RNF24: variants seen among roughly 807,000 people sequenced by gnomAD.
RNF24 encodes the protein ring finger protein 24.
RNF24 carries 14 observed loss-of-function variants against 20.0 expected under a neutral mutation model. The ratio of observed to expected loss-of-function variants is 0.70; its 90% CI spans 0.46 to 1.10. The LOEUF is 1.10. Among genes scored for constraint, RNF24 ranks in the 50% least tolerant of loss-of-function variants. RNF24 has a pLI of 0.00. For missense variants in RNF24, 124 were observed against 177.6 expected, an observed-to-expected ratio of 0.70 and a Z score of 1.71; for synonymous variants, 45 against 61.1, an observed-to-expected ratio of 0.74 and a Z score of 1.23.
rs2090854423 is a variant in RNF24 at position 3,933,685 on chromosome 20, C to G, written c.*378G>C. ...AGGCCTGCATGGCCTACAGAGAAAC[C>G]CATCCATCCGCAGGTGGGGGTGTGG... On this transcript the variant is annotated 3_prime_UTR_variant, in exon 6 of 6. Coordinates refer to ENST00000358395, the MANE Select transcript of RNF24 (RefSeq NM_001134337.3). 1 of 174,900 alleles carries G rather than the reference C, an allele frequency of 5.7e-6. No homozygotes were observed. The highest frequency in any genetic ancestry group is 6.3e-5 in the Admixed American group (1 of 15,878). 10.8% of individuals were successfully genotyped at this position (174,900 alleles called of 1,614,324 possible).
chr20:3,949,661 G>A (rs1294010182), intron 2 of RNF24, among the ~76,000 whole-genome samples: 2 of 152,146 alleles, frequency 1.3e-5, no homozygotes, highest in African/African-American at 4.8e-5. Context: ...TCCAGCCTGG[G>A]TGACGGAGTG....
chr20:3,955,923 T>A (rs747950109), intron 2 of RNF24, among the ~76,000 whole-genome samples: 1 of 152,228 alleles, frequency 6.6e-6, no homozygotes, highest in Non-Finnish European at 1.5e-5. Context: ...TATTTCCTTT[T>A]CAGATTGTTC....
chr20:3,982,226 TTGAG>T (rs1427552995), intron 1 of RNF24, among the ~76,000 whole-genome samples: 4 of 151,996 alleles, frequency 2.6e-5, no homozygotes, highest in Non-Finnish European at 4.4e-5. Context: ...TTGCTATGGT[TTGAG>T]TATCTGTCCC....
At chr20:3,952,716 A>G (rs909516474) in intron 2 of RNF24, among the ~76,000 whole-genome samples, 3 of 151,944 alleles carry the variant, frequency 2.0e-5, no homozygotes, top group African/African-American at 7.3e-5. Flanking sequence ...TACTCTTTCA[A>G]ATTTTAGAAA....
chr20:3,982,111 C>CTCTCTCTCTCTCTCTCTCTT (rs1264759810), intron 1 of RNF24, among the ~76,000 whole-genome samples: 2 of 149,214 alleles, frequency 1.3e-5, no homozygotes, highest in Non-Finnish European at 3.0e-5. Flanking sequence ...TCGTCTCTCT[C>CTCTCTCTCTCTCTCTCTCTT]TCTCTCTCTC....
chr20:3,955,353 T>C (rs1308066396), intron 2 of RNF24, among the ~76,000 whole-genome samples: 1 of 152,248 alleles, frequency 6.6e-6, no homozygotes, highest in East Asian at 1.9e-4. Context: ...CGCATGTTAA[T>C]ATCCAGCTTC....
intron 4 of RNF24, among the ~76,000 whole-genome samples, chr20:3,935,809 GA>G (rs1459055156): frequency 6.6e-6 from 1 of 152,226 alleles, no homozygotes; most frequent in Non-Finnish European, 1.5e-5. Flanking sequence ...TACCGATGAG[GA>G]AACAGAAGCT....
At chr20:3,951,864 C>T (rs1351666610) in intron 2 of RNF24, among the ~76,000 whole-genome samples, 1 of 152,102 alleles carries the variant, frequency 6.6e-6, no homozygotes, top group Non-Finnish European at 1.5e-5. Context: ...CATGCATTTC[C>T]GTATTTACTG....
intron 1 of RNF24, among the ~76,000 whole-genome samples, chr20:3,965,175 G>A (rs1464172028): frequency 6.6e-6 from 1 of 152,066 alleles, no homozygotes; most frequent in Non-Finnish European, 1.5e-5. Flanking sequence ...TAAGACCAAA[G>A]ATTGACAATG....
At chr20:3,992,316 T>C (rs770528080) in intron 1 of RNF24, among the ~76,000 whole-genome samples, 3 of 152,216 alleles carry the variant, frequency 2.0e-5, no homozygotes, top group Admixed American at 1.3e-4. Flanking sequence ...AAAGCAGTTA[T>C]ATCAACATAC....
chr20:4,004,605 A>T lies in RNF24; in HGVS notation c.-8+10832T>A, dbSNP rs562613744. Among the ~76,000 whole-genome samples, 17 of 152,334 alleles carry T rather than the reference A, an allele frequency of 1.1e-4. No homozygotes were observed. The South Asian group carries it at 3.5e-3, about 32-fold the overall frequency. ...TAGATCCAATGGCAAGTGTCTTTAT[A>T]AGAGAGAAAGAGAAGACCATATGAA... On this transcript the variant is annotated intron_variant, in intron 1 of 5. Transcript: ENST00000358395.
At chr20:3,996,347 C>T (rs1030073938) in intron 1 of RNF24, among the ~76,000 whole-genome samples, 1 of 152,136 alleles carries the variant, frequency 6.6e-6, no homozygotes, top group African/African-American at 2.4e-5. Flanking sequence ...ATGACATATT[C>T]TTTTTAAAAT....
At chr20:3,993,032 G>A (rs1174003216) in intron 1 of RNF24, among the ~76,000 whole-genome samples, 1 of 152,154 alleles carries the variant, frequency 6.6e-6, no homozygotes, top group African/African-American at 2.4e-5. Flanking sequence ...CCTAAAAAGA[G>A]TTAGCCTGAT....
chr20:3,974,365 C>T, intron 1 of RNF24: 2 of 1,550,170 alleles, frequency 1.3e-6, no homozygotes, highest in African/African-American at 2.7e-5. Context: ...AGGATATCTG[C>T]TCTCACCACT....
intron 1 of RNF24, among the ~76,000 whole-genome samples, chr20:3,973,500 C>CAAAAAAAAAAA (rs56824542): frequency 4.9e-5 from 5 of 101,118 alleles, no homozygotes; most frequent in African/African-American, 1.2e-4. Flanking sequence ...GGAAGAATGA[C>CAAAAAAAAAAA]AAAAAAAAAA....
At position 3,933,863 on chromosome 20, in the gene RNF24, G is replaced by A; in HGVS notation, c.*200C>T. ...CTCATCCACTCCTCTTCTCTCGGCA[G>A]GGGGTAGTGTCAAAGTGCTTTGGTT... is the stretch of plus-strand genomic sequence containing the variant. On this transcript the variant is annotated 3_prime_UTR_variant, in exon 6 of 6. Coordinates refer to ENST00000358395, the MANE Select transcript of RNF24 (RefSeq NM_001134337.3). 2.4e-6 allele frequency: 1 copy of A among 409,408 alleles called. No individual in the cohort carries two copies. Among genetic ancestry groups the A allele is most frequent in the East Asian group, 3.7e-5 (1 of 26,826 alleles). 25.4% of individuals were successfully genotyped at this position (409,408 alleles called of 1,614,324 possible).
At chr20:4,009,367 C>A (rs925001004) in intron 1 of RNF24, among the ~76,000 whole-genome samples, 2 of 152,066 alleles carry the variant, frequency 1.3e-5, no homozygotes, top group East Asian at 3.8e-4. Flanking sequence ...ACATGGATAG[C>A]CCCCTGGAGA....
chr20:4,012,258 C>CA (rs1258648550), intron 1 of RNF24, among the ~76,000 whole-genome samples: 8 of 150,626 alleles, frequency 5.3e-5, no homozygotes, highest in Admixed American at 2.6e-4. Flanking sequence ...ACTAAAAATA[C>CA]AAAAAAAAAT....
At chr20:4,008,501 ATT>A (rs1192600721) in intron 1 of RNF24, among the ~76,000 whole-genome samples, 1 of 116,706 alleles carries the variant, frequency 8.6e-6, no homozygotes, top group African/African-American at 3.4e-5. Context: ...TAATATATAT[ATT>A]ATACATATTA....
Sources: gnomAD v4.1 joint callset for allele counts (sites outside exome capture counted in the v4.1 genomes callset) on GRCh38, gnomAD v4.1.1 for gene constraint, MANE v1.5 for transcripts, NCBI Gene and HGNC (gene_info 2026-07-23, HGNC 2026-07-21) for gene names.